Variants in ADAMTS10 observed in about 807,000 individuals in gnomAD.
The protein encoded by ADAMTS10 is A disintegrin and metalloproteinase with thrombospondin motifs 10.
In ADAMTS10, 48 loss-of-function variants were observed where a neutral mutation model predicts 135.9. That is an observed-to-expected ratio of 0.35 (90% CI 0.28 to 0.45). The LOEUF is 0.45. ADAMTS10 is among the 20% of genes least tolerant of loss of function. ADAMTS10 has a pLI of 1.00. For synonymous variants in ADAMTS10, 621 were observed against 647.5 expected (o/e 0.96, Z 0.62); for missense variants, 1,131 against 1,565.2 (o/e 0.72, Z 4.68).
intron 6 of ADAMTS10, 147 bp downstream of exon 6, chr19:8,600,781 A>G (rs2042660765): frequency 2.1e-6 from 2 of 963,170 alleles, no homozygotes; most frequent in East Asian, 5.2e-5. Context: ...TACAGGTGTG[A>G]GCCACCGCGC....
rs1555740483 is a variant in ADAMTS10 at position 8,597,227 on chromosome 19, C to T, written c.894+7G>A. 1 of 1,614,086 alleles carries T rather than the reference C, an allele frequency of 6.2e-7. No homozygotes were observed. Among genetic ancestry groups the T allele is most frequent in the Non-Finnish European group, 8.5e-7 (1 of 1,180,026 alleles). On this transcript the variant is annotated splice_region_variant and intron_variant, in intron 7 of 25. Coordinates refer to ENST00000597188, the MANE Select transcript of ADAMTS10 (RefSeq NM_030957.4). ...GGGGAAGGGGAAGGGGAGGAAGTCC[C>T]CCGCACCTGGTCCTCCGTGAGCAGG...
Position 8,586,411 on chromosome 19 carries a change from A to G in ADAMTS10, c.2463T>C (p.Arg821=). Residue 821 remains arginine, a synonymous_variant, in exon 21 of 26, where the codon CGT becomes CGC. Transcript: ENST00000597188. ...GCCAGGAGTAGGGGGGCAGCGAGTCACGGGCGATGGGGGCATTGAAGCGGT... is the reference window on the plus strand; with the variant it reads ...GCCAGGAGTAGGGGGGCAGCGAGTCGCGGGCGATGGGGGCATTGAAGCGGT... ...LRYRFNAPIA[R]DSLPPYSWHY... 6.2e-7 allele frequency: 1 copy of G among 1,613,900 alleles called. No individual in the cohort carries two copies. The highest frequency in any genetic ancestry group is 8.5e-7 in the Non-Finnish European group (1 of 1,179,996).
Position 8,586,397 on chromosome 19 carries a change from G to T in ADAMTS10, c.2477C>A (p.Pro826His), listed in dbSNP as rs151228380. 73 of 1,613,956 alleles carry T rather than the reference G, an allele frequency of 4.5e-5. No individual in the cohort carries two copies. The African/African-American group carries it at 8.7e-4, about 19-fold the overall frequency. The change falls in exon 21 of 26, where the codon CCC becomes CAC. Residue 826 changes from proline (P) to histidine (H), a missense_variant. Physicochemically the swap from Pro to His is moderately conservative, Grantham distance 77 (BLOSUM62 -2). This residue lies in a region of ADAMTS10 where 745 missense variants were observed against 1,056.3 expected (regional missense o/e 0.71). Coordinates refer to ENST00000597188, the MANE Select transcript of ADAMTS10 (RefSeq NM_030957.4). ...NAPIARDSLP[P>H]YSWHYAPWTK... Reference sequence around the variant, plus strand: ...CCAGGGCGCATAGTGCCAGGAGTAGGGGGGCAGCGAGTCACGGGCGATGGG... The same window carrying T: ...CCAGGGCGCATAGTGCCAGGAGTAGTGGGGCAGCGAGTCACGGGCGATGGG...
intron 12 of ADAMTS10, chr19:8,595,550 A>G: frequency 1.4e-6 from 1 of 716,568 alleles, no homozygotes; most frequent in Non-Finnish European, 2.3e-6. Flanking sequence ...AGGTGATCCC[A>G]TTTTTGTTCC....
In ADAMTS10 at chr19:8,603,811, C is replaced by A. The variant is rs782682218; in HGVS notation, c.509G>T (p.Ser170Ile). The A allele has an allele frequency of 2.5e-6, 4 of 1,614,096 alleles. 1 individual carries two copies. The highest frequency in any genetic ancestry group is 3.3e-4 in the Middle Eastern group (2 of 6,062). ...PLHGGPKGSR[S>I]PEESGPHVVY... ...CACATGTGGTCCACTTTCCTCCGGG[C>A]TCCGAGAACCCTTGGGCCCACCGTG... is the stretch of plus-strand genomic sequence containing the variant. Residue 170 changes from serine (S) to isoleucine (I), a missense_variant, in exon 5 of 26, where the codon AGC becomes ATC. By Grantham distance (142) the Ser-to-Ile change is moderately radical. Coordinates refer to ENST00000597188, the MANE Select transcript of ADAMTS10 (RefSeq NM_030957.4).
intron 25 of ADAMTS10, among the ~76,000 whole-genome samples, chr19:8,584,368 T>A (rs1177699538): frequency 6.6e-6 from 1 of 151,632 alleles, no homozygotes; most frequent in African/African-American, 2.4e-5. Flanking sequence ...GGGATGCTGC[T>A]GAACATCTTA....
chr19:8,591,908 T>C, intron 14 of ADAMTS10, 45 bp from the exon 15 acceptor site: 2 of 1,611,978 alleles, frequency 1.2e-6, no homozygotes, highest in Non-Finnish European at 1.7e-6. Context: ...CAGTGGGCGA[T>C]GGGGGCAGGG....
At position 8,605,693 on chromosome 19, in the gene ADAMTS10, C is replaced by T; in HGVS notation, c.18G>A (p.Gln6=). The stretch of plus-strand genomic sequence containing the variant: ...CCAGGGCGAGGGCCCAGCGGAGGAT[C>T]TGGCAGGCGGGAGCCATAGAGGCCA... MAPAC[Q]ILRWALALGL... Residue 6 remains glutamine, a synonymous_variant, in exon 3 of 26, where the codon CAG becomes CAA. Coordinates refer to ENST00000597188, the MANE Select transcript of ADAMTS10 (RefSeq NM_030957.4). This position sits in a 1 kb window ranked among gnomAD's most constrained non-coding sequence, Gnocchi z 7.7. The T allele has an allele frequency of 6.2e-7, 1 of 1,610,884 alleles. No homozygotes were observed. Among genetic ancestry groups the T allele is most frequent in the Non-Finnish European group, 8.5e-7 (1 of 1,179,376 alleles).
chr19:8,605,488 G>A lies in ADAMTS10; in HGVS notation c.89-130C>T. On this transcript the variant is annotated intron_variant, in intron 3 of 25. Coordinates refer to ENST00000597188, the MANE Select transcript of ADAMTS10 (RefSeq NM_030957.4). This position sits in a 1 kb window ranked among gnomAD's most constrained non-coding sequence, Gnocchi z 7.7. ...CGAAATCCAGGGAGTTGGCTGCAAG[G>A]CTCCCGCCTATTGACCCCAGGGCCT... 3 of 1,469,706 alleles carry A rather than the reference G, an allele frequency of 2.0e-6. No homozygotes were observed. The highest frequency in any genetic ancestry group is 2.4e-5 in the South Asian group (2 of 81,762). 91.0% of individuals were successfully genotyped at this position (1,469,706 alleles called of 1,614,324 possible).
intron 25 of ADAMTS10, among the ~76,000 whole-genome samples, chr19:8,584,211 GA>G (rs1461317753): frequency 7.0e-6 from 1 of 143,158 alleles, no homozygotes; most frequent in Non-Finnish European, 1.5e-5. Flanking sequence ...TACCTAGGCA[GA>G]AAAAAATGTG....
At position 8,585,448 on chromosome 19, in the gene ADAMTS10, C is replaced by T; in HGVS notation, c.2865+8G>A. The T allele has an allele frequency of 6.5e-7, 1 of 1,536,342 alleles. No individual in the cohort carries two copies. Among genetic ancestry groups the T allele is most frequent in the Admixed American group, 2.0e-5 (1 of 50,688 alleles). On this transcript the variant is annotated splice_region_variant and intron_variant, in intron 23 of 25. Coordinates refer to ENST00000597188, the MANE Select transcript of ADAMTS10 (RefSeq NM_030957.4). Reference sequence around the variant, plus strand: ...TCCCAGTGGGCGCGAAGGAAGGGGGCGGCTGACCTCAGACCAGTCGAGGGC... The same window carrying T: ...TCCCAGTGGGCGCGAAGGAAGGGGGTGGCTGACCTCAGACCAGTCGAGGGC...
chr19:8,586,046 C>T, intron 22 of ADAMTS10, 76 bp downstream of exon 22: 3 of 1,608,172 alleles, frequency 1.9e-6, no homozygotes, highest in South Asian at 1.1e-5. Flanking sequence ...TCCCCACCCC[C>T]CTGGAGCACT....
At position 8,592,681 on chromosome 19, in the gene ADAMTS10, G is replaced by A. The variant is rs565646643; in HGVS notation, c.1587+82C>T. On this transcript the variant is annotated intron_variant, in intron 13 of 25. Transcript: ENST00000597188. ...TGTGGGAGGGAGCAGATAATAGGCC[G>A]AAGGACAGGCGGGTAGGCGTGGCCA... is the stretch of plus-strand genomic sequence containing the variant. 94 of 1,398,208 alleles carry A rather than the reference G, an allele frequency of 6.7e-5. No individual in the cohort carries two copies. In the South Asian group the frequency reaches 1.1e-3, roughly 17 times the overall value. 86.6% of individuals were successfully genotyped at this position (1,398,208 alleles called of 1,614,324 possible).
intron 2 of ADAMTS10, among the ~76,000 whole-genome samples, chr19:8,606,822 C>T (rs4398206): frequency 0.26 from 39,996 of 152,008 alleles, 5,711 homozygotes; most frequent in Middle Eastern, 0.37. Flanking sequence ...CCCCTACTTG[C>T]CCTAGCCCTG....
chr19:8,610,537 G>T (rs1218967899), intron 1 of ADAMTS10, 107 bp downstream of exon 1: 1 of 152,076 alleles, frequency 6.6e-6, no homozygotes, highest in African/African-American at 2.4e-5. Flanking sequence ...ACAGCGGGAT[G>T]CCCTCCCCCA....
intron 11 of ADAMTS10, 50 bp from the exon 12 acceptor site, chr19:8,595,953 G>A (rs2042598644): frequency 1.9e-6 from 3 of 1,614,080 alleles, no homozygotes; most frequent in Admixed American, 1.7e-5. Flanking sequence ...CAAATCAAGA[G>A]CTCAGGAGCC....
intron 18 of ADAMTS10, among the ~76,000 whole-genome samples, chr19:8,589,017 C>T (rs2042479189): frequency 6.6e-6 from 1 of 152,166 alleles, no homozygotes; most frequent in African/African-American, 2.4e-5. Context: ...GTCTCAAACT[C>T]CTGGCCTCAA....
Position 8,605,310 on chromosome 19 carries a change from C to A in ADAMTS10, c.137G>T (p.Arg46Leu), listed in dbSNP as rs782414885. ...LESYEIAFPT[R>L]VDHNGALLAF... ...CAGCAGTGCCCCGTTGTGGTCCACGCGGGTGGGGAAGGCGATCTCATAGCT... is the reference window on the plus strand; with the variant it reads ...CAGCAGTGCCCCGTTGTGGTCCACGAGGGTGGGGAAGGCGATCTCATAGCT... Residue 46 changes from arginine (R) to leucine (L), a missense_variant, in exon 4 of 26, where the codon CGC (arginine) becomes CTC (leucine). By Grantham distance (102) the Arg-to-Leu change is moderately radical. Around this residue, in one of 3 missense-constraint regions of ADAMTS10, gnomAD observed 306 missense variants for 344.4 expected, o/e 0.89. Transcript: ENST00000597188. The surrounding 1 kb of genome is among the most constrained non-coding windows in gnomAD (Gnocchi z 7.7). 2 of 1,610,838 alleles carry A rather than the reference C, an allele frequency of 1.2e-6. No individual in the cohort carries two copies. The highest frequency in any genetic ancestry group is 2.7e-5 in the African/African-American group (2 of 74,884).
chr19:8,596,383 G>C lies in ADAMTS10; in HGVS notation c.1114C>G (p.Arg372Gly). Reference sequence around the variant, plus strand: ...TCATTGACGCTGCAGCTTCTCTCGCGCTCACACATTCCGCCCACCGGGGCC... The same window carrying C: ...TCATTGACGCTGCAGCTTCTCTCGCCCTCACACATTCCGCCCACCGGGGCC... ...GLAPVGGMCE[R>G]ERSCSVNEDI... Residue 372 changes from arginine (R) to glycine (G), a missense_variant, in exon 10 of 26, where the codon CGC becomes GGC. By Grantham distance (125) the Arg-to-Gly change is moderately radical. This residue lies in a region of ADAMTS10 where 745 missense variants were observed against 1,056.3 expected (regional missense o/e 0.71). Transcript: ENST00000597188. This position sits in a 1 kb window ranked among gnomAD's most constrained non-coding sequence, Gnocchi z 7.2. 2 of 1,613,092 alleles carry C rather than the reference G, an allele frequency of 1.2e-6. No individual in the cohort carries two copies. The highest frequency in any genetic ancestry group is 1.7e-6 in the Non-Finnish European group (2 of 1,179,834).
Sources: gnomAD v4.1 joint callset for allele counts (sites outside exome capture counted in the v4.1 genomes callset) on GRCh38, gnomAD v4.1.1 for gene constraint, gnomAD v4.1.1 regional missense constraint, Gnocchi (gnomAD v3.1) non-coding constraint, MANE v1.5 for transcripts, NCBI Gene and HGNC (gene_info 2026-07-23, HGNC 2026-07-21) for gene names.